EPB41L4A: variants seen among roughly 807,000 people sequenced by gnomAD.
EPB41L4A encodes band 4.1-like protein 4A.
In EPB41L4A, 100 loss-of-function variants were observed where a neutral mutation model predicts 108.6. The observed-to-expected ratio is 0.92, with a 90% CI of 0.78 to 1.09. The LOEUF (loss-of-function observed/expected upper bound fraction) is 1.09, where lower values mean the gene tolerates loss of function less well. Ranked by LOEUF, EPB41L4A falls within the 50% of genes least tolerant of loss-of-function variation. The pLI is 0.00. For synonymous variants in EPB41L4A, 319 were observed against 289.0 expected (o/e 1.10, Z -1.05); for missense variants, 1,030 against 842.7 (o/e 1.22, Z -2.75).
intron 12 of EPB41L4A, among the ~76,000 whole-genome samples, chr5:112,214,791 A>C (rs1747496421): frequency 6.6e-6 from 1 of 152,104 alleles, no homozygotes; most frequent in Admixed American, 6.6e-5. Flanking sequence ...AAGAAAAAAA[A>C]CACAGAGGGC....
intron 4 of EPB41L4A, among the ~76,000 whole-genome samples, chr5:112,268,538 G>C (rs1241813465): frequency 1.3e-5 from 2 of 152,066 alleles, no homozygotes; most frequent in East Asian, 3.9e-4. Context: ...AAATGGGTCA[G>C]AGATGCAAAT....
chr5:112,410,401 G>C (rs575130975), intron 1 of EPB41L4A, among the ~76,000 whole-genome samples: 1 of 152,332 alleles, frequency 6.6e-6, no homozygotes, highest in East Asian at 1.9e-4. Flanking sequence ...CTGGAAGCAG[G>C]GGCCTTGCAG....
rs578136414 is a variant in EPB41L4A at position 112,252,751 on chromosome 5, G to C, written c.795+6478C>G. Among the ~76,000 whole-genome samples the C allele has an allele frequency of 7.2e-5, 11 of 152,112 alleles. No individual in the cohort carries two copies. In the East Asian group the frequency reaches 2.1e-3, roughly 29 times the overall value. On this transcript the variant is annotated intron_variant, in intron 9 of 22. Coordinates refer to ENST00000261486, the MANE Select transcript of EPB41L4A (RefSeq NM_022140.5). Reference sequence around the variant, plus strand: ...CTGTTGGGTACTAAGCTCACTGCCTGGGTGACGGGATCATTAGGACCCCAA... The same window carrying C: ...CTGTTGGGTACTAAGCTCACTGCCTCGGTGACGGGATCATTAGGACCCCAA...
chr5:112,344,742 C>A (rs1261402108), intron 1 of EPB41L4A, among the ~76,000 whole-genome samples: 2 of 152,230 alleles, frequency 1.3e-5, no homozygotes, highest in East Asian at 3.8e-4. Flanking sequence ...TCCCGAGGTG[C>A]TGCCCTATGG....
chr5:112,155,634 G>A (rs1422574359), intron 12 of EPB41L4A, among the ~76,000 whole-genome samples: 1 of 151,986 alleles, frequency 6.6e-6, no homozygotes, highest in Non-Finnish European at 1.5e-5. Flanking sequence ...CTGAATAAAA[G>A]TCAAGAAAGT....
intron 17 of EPB41L4A, 150 bp downstream of exon 17, chr5:112,194,416 TAA>T: frequency 1.9e-6 from 1 of 519,638 alleles, no homozygotes; most frequent in Non-Finnish European, 3.4e-6. Context: ...CTCAAAGAGC[TAA>T]AGTTTCCTAA....
intron 1 of EPB41L4A, among the ~76,000 whole-genome samples, chr5:112,334,335 C>T (rs937512573): frequency 2.0e-5 from 3 of 152,128 alleles, no homozygotes; most frequent in African/African-American, 7.2e-5. Flanking sequence ...GGGAAATTTA[C>T]ATTCTGTGTA....
intron 2 of EPB41L4A, among the ~76,000 whole-genome samples, chr5:112,282,408 T>C (rs1008821431): frequency 6.6e-5 from 10 of 152,240 alleles, no homozygotes; most frequent in Admixed American, 6.5e-4. Flanking sequence ...ACGCAAATAC[T>C]CATTAACACT....
At chr5:112,340,702 T>C (rs1057170322) in intron 1 of EPB41L4A, among the ~76,000 whole-genome samples, 4 of 152,244 alleles carry the variant, frequency 2.6e-5, no homozygotes, top group Admixed American at 2.0e-4. Context: ...TAACTACATG[T>C]ACGTTTCTGC....
rs5870486 is a variant in EPB41L4A, at chr5:112,164,831, C to CA, written c.*158dup. The CA allele has an allele frequency of 0.066, 32,457 of 488,734 alleles. 3 individuals are homozygous for CA. The highest frequency in any genetic ancestry group is 0.074 in the Middle Eastern group (129 of 1,732). 30.3% of individuals were successfully genotyped at this position (488,734 alleles called of 1,614,324 possible). A position where few individuals can be genotyped will look rare whatever the true frequency, so the allele number is the denominator to read the frequency against. ...CCTGGGCGACAGAGTGATAACATCT[C>CA]AAAAAAAAAAAAAAAAAGAAGCAAA... On this transcript the variant is annotated 3_prime_UTR_variant, in exon 23 of 23. Coordinates refer to ENST00000261486, the MANE Select transcript of EPB41L4A (RefSeq NM_022140.5).
At chr5:112,195,520 G>T in intron 16 of EPB41L4A, 141 bp downstream of exon 16, 1 of 695,002 alleles carries the variant, frequency 1.4e-6, no homozygotes, top group East Asian at 2.7e-5. Flanking sequence ...GGAAGACTGG[G>T]AATCAGCTGA....
At chr5:112,243,723 TC>T (rs1016056741) in intron 9 of EPB41L4A, among the ~76,000 whole-genome samples, 1 of 152,208 alleles carries the variant, frequency 6.6e-6, no homozygotes, top group Non-Finnish European at 1.5e-5. Flanking sequence ...CTACTGTCCT[TC>T]AACCTAATGA....
chr5:112,202,189 G>C (rs1244969091), intron 15 of EPB41L4A, among the ~76,000 whole-genome samples: 1 of 152,136 alleles, frequency 6.6e-6, no homozygotes, highest in African/African-American at 2.4e-5. Flanking sequence ...CGGCTACAGT[G>C]GTGGTATCTC....
At chr5:112,414,568 C>T (rs912922472) in intron 1 of EPB41L4A, among the ~76,000 whole-genome samples, 2 of 152,122 alleles carry the variant, frequency 1.3e-5, no homozygotes, top group African/African-American at 4.8e-5. Context: ...CTTACCAATA[C>T]AGAATTCAAG....
chr5:112,396,219 G>A (rs1373227960), intron 1 of EPB41L4A, among the ~76,000 whole-genome samples: 1 of 151,888 alleles, frequency 6.6e-6, no homozygotes, highest in Non-Finnish European at 1.5e-5. Flanking sequence ...TGCACGTTGT[G>A]CACATGTACC....
intron 1 of EPB41L4A, among the ~76,000 whole-genome samples, chr5:112,402,662 A>C (rs1468789056): frequency 1.3e-5 from 2 of 152,212 alleles, no homozygotes; most frequent in Non-Finnish European, 2.9e-5. Flanking sequence ...TCCCCTGGGG[A>C]GAAAAAAAAT....
chr5:112,187,893 C>G (rs1718373156), intron 17 of EPB41L4A, among the ~76,000 whole-genome samples: 1 of 152,184 alleles, frequency 6.6e-6, no homozygotes, highest in Non-Finnish European at 1.5e-5. Flanking sequence ...TTCTCCATTC[C>G]CAGCTCTGCC....
rs765574525 is a variant in EPB41L4A, at chr5:112,259,232, TTTTCCCAGTA to T, written c.782_791del (p.Val261GlufsTer66). On this transcript the variant is annotated frameshift_variant, in exon 9 of 23. Coordinates refer to ENST00000261486, the MANE Select transcript of EPB41L4A (RefSeq NM_022140.5). LOFTEE classifies it high-confidence loss of function. ...AGCTAAGGGCTTGGAAACTTACATC[TTTTCCCAGTA>T]CTCTGAGTTCAAATTGAGTCTCCTT... is the stretch of plus-strand genomic sequence containing the variant. The T allele has an allele frequency of 3.1e-6, 5 of 1,612,486 alleles. No individual in the cohort carries two copies. The South Asian group carries it at 5.5e-5, about 18-fold the overall frequency.
At chr5:112,294,342 C>G (rs536612994) in intron 2 of EPB41L4A, among the ~76,000 whole-genome samples, 18 of 152,244 alleles carry the variant, frequency 1.2e-4, no homozygotes, top group African/African-American at 4.1e-4. Flanking sequence ...AGTGAGCGGC[C>G]CACACAGTCC....
Sources: gnomAD v4.1 joint callset for allele counts (sites outside exome capture counted in the v4.1 genomes callset) on GRCh38, gnomAD v4.1.1 for gene constraint, MANE v1.5 for transcripts, NCBI Gene and HGNC (gene_info 2026-07-23, HGNC 2026-07-21) for gene names.